The following LVRN variants were observed in gnomAD, a reference collection of about 807,000 sequenced individuals.
LVRN encodes laeverin.
LVRN carries 99 observed loss-of-function variants against 111.4 expected under a neutral mutation model. The observed-to-expected ratio is 0.89, with a 90% CI of 0.76 to 1.05. LVRN has a LOEUF of 1.05. Ranked by LOEUF, LVRN falls within the 50% of genes least tolerant of loss-of-function variation. The pLI, the probability that LVRN is intolerant of heterozygous loss-of-function variation, is 0.00. For synonymous variants in LVRN, 488 were observed against 449.5 expected (o/e 1.09, Z -1.08); for missense variants, 1,414 against 1,206.8 (o/e 1.17, Z -2.54).
At chr5:115,965,985 G>A (rs1189264228) in intron 1 of LVRN, among the ~76,000 whole-genome samples, 2 of 152,092 alleles carry the variant, frequency 1.3e-5, no homozygotes, top group East Asian at 1.9e-4. Context: ...AATAATTATA[G>A]ATTCACCAGA....
chr5:116,021,667 A>G (rs1748732822), intron 18 of LVRN: 1 of 442,746 alleles, frequency 2.3e-6, no homozygotes. Context: ...AGTCCATTAT[A>G]ATAACCCTAT....
intron 4 of LVRN, among the ~76,000 whole-genome samples, chr5:115,991,908 C>T (rs1330007329): frequency 1.3e-5 from 2 of 152,058 alleles, no homozygotes; most frequent in South Asian, 2.1e-4. Context: ...GAATACAAGT[C>T]CTTTATCAAG....
At chr5:115,965,577 A>T (rs1374854489) in intron 1 of LVRN, among the ~76,000 whole-genome samples, 1 of 152,170 alleles carries the variant, frequency 6.6e-6, no homozygotes, top group African/African-American at 2.4e-5. Context: ...TTGGCACCTC[A>T]TATGGTTTTG....
At chr5:115,980,643 T>A (rs1753542383) in intron 1 of LVRN, among the ~76,000 whole-genome samples, 1 of 152,106 alleles carries the variant, frequency 6.6e-6, no homozygotes, top group African/African-American at 2.4e-5. Flanking sequence ...GCTCCCCACC[T>A]TGCAGTCTCT....
At chr5:115,969,428 T>C (rs530734005) in intron 1 of LVRN, among the ~76,000 whole-genome samples, 2 of 152,220 alleles carry the variant, frequency 1.3e-5, no homozygotes, top group Non-Finnish European at 2.9e-5. Context: ...TGTTTTGTTT[T>C]CAATTTCATT....
rs766707076 is a variant in LVRN, at chr5:115,992,132, C to T, written c.1115C>T (p.Ala372Val). The change falls in exon 5 of 20, where the codon GCC (alanine) becomes GTC (valine). Residue 372 changes from alanine (A) to valine (V), a missense_variant. Coordinates refer to ENST00000357872, the MANE Select transcript of LVRN (RefSeq NM_173800.5). ...ATTTAAATCCACTTAGATATAATTG[C>T]CTTGCCTAGTTTTGACAACCATGCA... ...SYSLPKTDII[A>V]LPSFDNHAME... 1 of 1,611,744 alleles carries T rather than the reference C, an allele frequency of 6.2e-7. No individual in the cohort carries two copies. The highest frequency in any genetic ancestry group is 8.5e-7 in the Non-Finnish European group (1 of 1,179,122).
intron 4 of LVRN, among the ~76,000 whole-genome samples, chr5:115,991,391 A>G (rs1747983654): frequency 6.6e-6 from 1 of 152,304 alleles, no homozygotes; most frequent in Admixed American, 6.5e-5. Flanking sequence ...ATTTCTCATC[A>G]CTGAATAATA....
Position 116,026,278 on chromosome 5 carries a change from G to A in LVRN, c.*160G>A, listed in dbSNP as rs1580405966. Reference sequence around the variant, plus strand: ...CATTCTTCTCATATTGTCATGTTTGGCCCTGAGGGTGGGTGATTGCTGACA... The same window carrying A: ...CATTCTTCTCATATTGTCATGTTTGACCCTGAGGGTGGGTGATTGCTGACA... On this transcript the variant is annotated 3_prime_UTR_variant, in exon 20 of 20. Coordinates refer to ENST00000357872, the MANE Select transcript of LVRN (RefSeq NM_173800.5). 5 of 1,126,632 alleles carry A rather than the reference G, an allele frequency of 4.4e-6. No individual in the cohort carries two copies. Among genetic ancestry groups the A allele is most frequent in the Non-Finnish European group, 6.2e-6 (5 of 807,852 alleles). The allele number at this position is 1,126,632 out of a possible 1,614,324, so 69.8% of individuals were successfully genotyped here. A position where few individuals can be genotyped will look rare whatever the true frequency, so the allele number is the denominator to read the frequency against.
chr5:115,975,225 G>A, intron 1 of LVRN: 1 of 481,568 alleles, frequency 2.1e-6, no homozygotes, highest in Non-Finnish European at 4.1e-6. Flanking sequence ...TCATTATCTT[G>A]GGTTCACACC....
intron 4 of LVRN, 76 bp downstream of exon 4, chr5:115,988,015 G>T: frequency 6.5e-7 from 1 of 1,529,288 alleles, no homozygotes. Flanking sequence ...AAGATACACA[G>T]ACAAACCCAT....
At chr5:116,011,113 G>A (rs569237828) in intron 14 of LVRN, among the ~76,000 whole-genome samples, 2 of 120,312 alleles carry the variant, frequency 1.7e-5, no homozygotes, top group Non-Finnish European at 3.7e-5. Context: ...GATGAGTGAG[G>A]TTTGGAAGGG....
chr5:116,004,027 C>T (rs1377687217), intron 12 of LVRN, among the ~76,000 whole-genome samples: 3 of 152,052 alleles, frequency 2.0e-5, no homozygotes, highest in Non-Finnish European at 4.4e-5. Flanking sequence ...CATTTTAAAA[C>T]GAGAATATTA....
At chr5:116,007,178 C>T (rs1211659140) in intron 13 of LVRN, among the ~76,000 whole-genome samples, 2 of 152,164 alleles carry the variant, frequency 1.3e-5, no homozygotes, top group African/African-American at 2.4e-5. Context: ...TCTTCTTTAA[C>T]ACTATTGCAA....
intron 18 of LVRN, chr5:116,020,985 T>G (rs1748717867): frequency 6.6e-6 from 1 of 152,224 alleles, no homozygotes; most frequent in Non-Finnish European, 1.5e-5. Context: ...AATGCAATTT[T>G]GTTGAGTAAT....
intron 5 of LVRN, 28 bp downstream of exon 5, chr5:115,992,305 CA>C (rs1196365833): frequency 2.5e-6 from 4 of 1,612,348 alleles, no homozygotes; most frequent in Non-Finnish European, 3.4e-6. Context: ...CTTTTTATTT[CA>C]CTTGAAGTTA....
rs76998001 is a variant in LVRN at position 115,987,871 on chromosome 5, A to C, written c.1037A>C (p.Asn346Thr). 4.0e-4 allele frequency: 646 copies of C among 1,613,518 alleles called. 1 individual carries two copies. The African/African-American group carries it at 7.5e-3, about 19-fold the overall frequency. The change falls in exon 4 of 20, where the codon AAC becomes ACC. Residue 346 changes from asparagine to threonine, a missense_variant. Asn to Thr is a moderately conservative substitution (Grantham distance 65, BLOSUM62 0). Transcript: ENST00000357872. ...AATGGAAGTGCAGACTTTGCTTTGA[A>C]CATCACAGGTCCCATCTTCTCTTTT... Reference protein sequence around the residue: ...IANGSADFALNITGPIFSFLE... With the variant: ...IANGSADFALTITGPIFSFLE...
intron 6 of LVRN, among the ~76,000 whole-genome samples, chr5:115,999,088 A>T (rs1275978353): frequency 6.6e-6 from 1 of 152,134 alleles, no homozygotes; most frequent in Non-Finnish European, 1.5e-5. Context: ...TAACTTCTCC[A>T]CTGGTCTTTG....
chr5:115,987,553 G>T (rs987828675), intron 3 of LVRN, among the ~76,000 whole-genome samples: 5 of 152,078 alleles, frequency 3.3e-5, no homozygotes, highest in Non-Finnish European at 5.9e-5. Context: ...CCCATTCCAG[G>T]GGTTGTTTTA....
At chr5:115,991,179 C>G (rs1360276390) in intron 4 of LVRN, among the ~76,000 whole-genome samples, 1 of 152,056 alleles carries the variant, frequency 6.6e-6, no homozygotes, top group Non-Finnish European at 1.5e-5. Context: ...CCATAAAAAT[C>G]CCCTGTTCTC....
Sources: allele counts gnomAD v4.1 joint callset (sites outside exome capture counted in the v4.1 genomes callset), GRCh38; gene constraint gnomAD v4.1.1; transcripts MANE v1.5; gene names NCBI Gene and HGNC (gene_info 2026-07-23, HGNC 2026-07-21).